Variants in GRTP1 observed in about 807,000 individuals in gnomAD.
GRTP1 encodes the protein growth hormone regulated TBC protein 1.
In GRTP1, 56 loss-of-function variants were observed where a neutral mutation model predicts 38.1. The ratio of observed to expected loss-of-function variants is 1.47; its 90% CI spans 1.19 to 1.84. The LOEUF (loss-of-function observed/expected upper bound fraction) is 1.84. GRTP1 is among the 40% of genes most tolerant of loss of function. The probability of loss-of-function intolerance (pLI) is 0.00; values close to 1 mark genes in which losing one functional copy is unlikely to be tolerated. For missense variants in GRTP1, 506 were observed against 453.9 expected (o/e 1.11, Z -1.04); for synonymous variants, 217 against 189.5 (o/e 1.14, Z -1.19).
intron 5 of GRTP1, among the ~76,000 whole-genome samples, chr13:113,335,463 CA>C (rs2042942676): frequency 6.6e-6 from 1 of 152,080 alleles, no homozygotes; most frequent in Non-Finnish European, 1.5e-5. Context: ...CGGATCCACC[CA>C]CATTTACCAT....
At chr13:113,344,111 G>A (rs2043064123) in intron 5 of GRTP1, among the ~76,000 whole-genome samples, 1 of 152,178 alleles carries the variant, frequency 6.6e-6, no homozygotes, top group Admixed American at 6.5e-5. Flanking sequence ...AGCAACCATG[G>A]ATATATATAG....
intron 5 of GRTP1, 53 bp from the exon 6 acceptor site, chr13:113,326,144 GC>G (rs2042765188): frequency 5.0e-6 from 8 of 1,588,880 alleles, no homozygotes; most frequent in Non-Finnish European, 6.8e-6. Flanking sequence ...ACCTCCACAA[GC>G]CCCATTCCCC....
chr13:113,364,019 C>G lies in GRTP1; in HGVS notation c.32+1G>C, dbSNP rs1378695043. 7.5e-6 allele frequency: 10 copies of G among 1,327,226 alleles called. No homozygotes were observed. Among genetic ancestry groups the G allele is most frequent in the African/African-American group, 1.6e-5 (1 of 63,886 alleles). 82.2% of individuals were successfully genotyped at this position (1,327,226 alleles called of 1,614,324 possible). A position where few individuals can be genotyped will look rare whatever the true frequency, so the allele number is the denominator to read the frequency against. On this transcript the variant is annotated splice_donor_variant, in intron 1 of 7. Coordinates refer to ENST00000375431, the MANE Select transcript of GRTP1 (RefSeq NM_024719.4). LOFTEE classifies it high-confidence loss of function. Reference sequence around the variant, plus strand: ...GGACGCCCGCACCCCGCGCCACACACCTGGGGACCCGCGAGCGCTCGGCGG... The same window carrying G: ...GGACGCCCGCACCCCGCGCCACACAGCTGGGGACCCGCGAGCGCTCGGCGG...
intron 5 of GRTP1, among the ~76,000 whole-genome samples, chr13:113,341,904 T>C (rs562663536): frequency 6.6e-6 from 1 of 152,200 alleles, no homozygotes; most frequent in African/African-American, 2.4e-5. Context: ...CCTCTCACCT[T>C]GTGGCCTCCC....
In GRTP1 at chr13:113,364,110, C is replaced by G. The variant is rs2043555199; in HGVS notation, c.-59G>C. 1.7e-6 allele frequency: 2 copies of G among 1,208,864 alleles called. No individual in the cohort carries two copies. The highest frequency in any genetic ancestry group is 3.6e-5 in the African/African-American group (2 of 55,854). The allele number at this position is 1,208,864 out of a possible 1,614,324, so 74.9% of individuals were successfully genotyped here. A position where few individuals can be genotyped will look rare whatever the true frequency, so the allele number is the denominator to read the frequency against. On this transcript the variant is annotated 5_prime_UTR_variant, in exon 1 of 8. Transcript: ENST00000375431. The stretch of plus-strand genomic sequence containing the variant: ...CGGGTCCCAAGTTCGCCTCCCGGCT[C>G]CGGGGCGCTTAAGTCCTTCCGGCGG...
At chr13:113,340,831 T>C (rs1477242543) in intron 5 of GRTP1, among the ~76,000 whole-genome samples, 1 of 151,782 alleles carries the variant, frequency 6.6e-6, no homozygotes, top group Non-Finnish European at 1.5e-5. Flanking sequence ...AAAGCAGGAG[T>C]TACCTGTTCC....
intron 3 of GRTP1, 196 bp downstream of exon 3, chr13:113,355,127 T>C (rs1358346663): frequency 1.7e-6 from 1 of 572,408 alleles, no homozygotes; most frequent in African/African-American, 1.9e-5. Context: ...CGTGAATATC[T>C]GCTGAGTGAA....
intron 2 of GRTP1, chr13:113,360,303 A>G (rs562942234): frequency 6.6e-6 from 1 of 152,318 alleles, no homozygotes; most frequent in African/African-American, 2.4e-5. Flanking sequence ...AAAGGAAAAT[A>G]CAATATTTAT....
intron 5 of GRTP1, among the ~76,000 whole-genome samples, chr13:113,332,876 G>A (rs950049778): frequency 1.3e-5 from 2 of 152,222 alleles, no homozygotes; most frequent in African/African-American, 2.4e-5. Context: ...GCTGGCCACA[G>A]ATGGGCCAAC....
At chr13:113,346,028 GGGAAGACA>G (rs2043104139) in intron 4 of GRTP1, among the ~76,000 whole-genome samples, 1 of 57,254 alleles carries the variant, frequency 1.7e-5, no homozygotes, top group Non-Finnish European at 3.7e-5. Context: ...GAGCAGACCT[GGGAAGACA>G]TCTGTGGCCG....
At chr13:113,325,367 C>A in intron 7 of GRTP1, 1 of 1,427,578 alleles carries the variant, frequency 7.0e-7, no homozygotes, top group Middle Eastern at 2.6e-4. Flanking sequence ...AGTGGGGAGG[C>A]CGGGCCTCGG....
At chr13:113,337,567 T>C (rs1035056367) in intron 5 of GRTP1, among the ~76,000 whole-genome samples, 1 of 152,240 alleles carries the variant, frequency 6.6e-6, no homozygotes, top group African/African-American at 2.4e-5. Flanking sequence ...AGGCCTCGGA[T>C]TGTACAGCGT....
rs1276502722 is a variant in GRTP1 at position 113,324,951 on chromosome 13, C to A, written c.922-374G>T. ...AAGTGATTCTCGTGCCTCAGCCTCC[C>A]GAGTAACTGGGACTACATAAGCGTG... On this transcript the variant is annotated intron_variant, in intron 7 of 7. Coordinates refer to ENST00000375431, the MANE Select transcript of GRTP1 (RefSeq NM_024719.4). The A allele has an allele frequency of 7.3e-6, 4 of 550,772 alleles. No homozygotes were observed. The Admixed American group carries it at 2.3e-4, about 31-fold the overall frequency. The allele number at this position is 550,772 out of a possible 1,614,324, so 34.1% of individuals were successfully genotyped here.
chr13:113,338,483 CG>C (rs2042984541), intron 5 of GRTP1, among the ~76,000 whole-genome samples: 1 of 152,074 alleles, frequency 6.6e-6, no homozygotes. Context: ...TGGGGGAAAC[CG>C]GGGAGGCAGA....
chr13:113,333,874 T>TGTGCGC (rs33972835), intron 5 of GRTP1, among the ~76,000 whole-genome samples: 228 of 135,340 alleles, frequency 1.7e-3, no homozygotes, highest in African/African-American at 5.4e-3. Context: ...TGTGTGTGTG[T>TGTGCGC]CCGAGGCTGG....
At chr13:113,336,220 G>A (rs947006571) in intron 5 of GRTP1, among the ~76,000 whole-genome samples, 17 of 152,052 alleles carry the variant, frequency 1.1e-4, no homozygotes, top group South Asian at 2.1e-4. Flanking sequence ...GTGCCGTGGC[G>A]AACGCTGGAG....
At chr13:113,358,406 C>G (rs929065247) in intron 2 of GRTP1, among the ~76,000 whole-genome samples, 6 of 152,288 alleles carry the variant, frequency 3.9e-5, no homozygotes, top group Admixed American at 6.5e-5. Flanking sequence ...CAAAGTTGAT[C>G]TACAGATTCC....
chr13:113,350,310 G>A (rs2043237968), intron 4 of GRTP1, among the ~76,000 whole-genome samples: 1 of 152,124 alleles, frequency 6.6e-6, no homozygotes. Flanking sequence ...CCCAACTGCA[G>A]CTGCTGGTTC....
At chr13:113,326,381 G>A (rs1419385771) in intron 5 of GRTP1, among the ~76,000 whole-genome samples, 1 of 87,554 alleles carries the variant, frequency 1.1e-5, no homozygotes. Flanking sequence ...GCGCGGTGGG[G>A]GGGGGGGGGG....
Sources: allele counts gnomAD v4.1 joint callset (sites outside exome capture counted in the v4.1 genomes callset), GRCh38; gene constraint gnomAD v4.1.1; transcripts MANE v1.5; gene names NCBI Gene and HGNC (gene_info 2026-07-23, HGNC 2026-07-21).